Variants in KIF26B observed in about 807,000 individuals in gnomAD.
KIF26B encodes the protein kinesin family member 26B, also known as kinesin-like protein KIF26B.
KIF26B carries 63 observed loss-of-function variants against 151.2 expected under a neutral mutation model. That is an observed-to-expected ratio of 0.42 (90% confidence interval 0.34 to 0.51). The LOEUF (loss-of-function observed/expected upper bound fraction) is 0.51, where lower values mean the gene tolerates loss of function less well. Among genes scored for constraint, KIF26B ranks in the 20% least tolerant of loss-of-function variants. KIF26B has a pLI of 0.07. For synonymous variants in KIF26B, 1,357 were observed against 1,262.1 expected (o/e 1.08, Z -1.59); for missense variants, 2,813 against 2,913.6 (o/e 0.97, Z 0.79).
At chr1:245,383,864 T>C (rs1144586) in intron 3 of KIF26B, among the ~76,000 whole-genome samples, 1,793 of 152,274 alleles carry the variant, frequency 0.012, 20 homozygotes, top group Non-Finnish European at 0.017. Context: ...GCCCATCTGC[T>C]CTCCACTGAG....
At chr1:245,452,123 G>T (rs961691217) in intron 4 of KIF26B, among the ~76,000 whole-genome samples, 1 of 151,926 alleles carries the variant, frequency 6.6e-6, no homozygotes, top group Non-Finnish European at 1.5e-5. Context: ...ACCCCTGGTG[G>T]CCTCCAATCC....
At chr1:245,418,429 A>G (rs1336952670) in intron 3 of KIF26B, among the ~76,000 whole-genome samples, 6 of 152,250 alleles carry the variant, frequency 3.9e-5, no homozygotes, top group Non-Finnish European at 8.8e-5. Flanking sequence ...AAGCGGAGCA[A>G]AGTTCCCAGT....
chr1:245,480,476 G>A (rs1244069592), intron 4 of KIF26B, among the ~76,000 whole-genome samples: 1 of 151,726 alleles, frequency 6.6e-6, no homozygotes. Flanking sequence ...TTTCCAGCAG[G>A]TGTTTGAGGG....
intron 2 of KIF26B, among the ~76,000 whole-genome samples, chr1:245,234,921 C>A (rs1003638535): frequency 6.6e-6 from 1 of 152,172 alleles, no homozygotes; most frequent in Non-Finnish European, 1.5e-5. Context: ...CGGTGGCACA[C>A]AGGCTGGCTC....
chr1:245,624,283 GAAAAA>G (rs5782361), intron 9 of KIF26B, among the ~76,000 whole-genome samples: 1 of 144,386 alleles, frequency 6.9e-6, no homozygotes, highest in African/African-American at 2.5e-5. Flanking sequence ...GGGAATATTT[GAAAAA>G]AAAAAAAAGA....
Position 245,648,154 on chromosome 1 carries a change from G to T in KIF26B, c.2258+1874G>T, listed in dbSNP as rs114862750. On this transcript the variant is annotated intron_variant, in intron 10 of 14. Coordinates refer to ENST00000407071, the MANE Select transcript of KIF26B (RefSeq NM_018012.4). The stretch of plus-strand genomic sequence containing the variant: ...AGATAAAATTCCAAATTGCACCTTA[G>T]CAGGAGGTCATTGATTACATATCTT... 3.6e-3 allele frequency among the ~76,000 whole-genome samples: 550 copies of T among 152,278 alleles called. 2 individuals are homozygous for T. The highest frequency in any genetic ancestry group is 0.012 in the African/African-American group (509 of 41,540).
At chr1:245,668,499 A>C (rs6702074) in intron 10 of KIF26B, among the ~76,000 whole-genome samples, 1 of 152,148 alleles carries the variant, frequency 6.6e-6, no homozygotes, top group African/African-American at 2.4e-5. Context: ...TACTTAATGT[A>C]TGAGTTGTGG....
intron 2 of KIF26B, among the ~76,000 whole-genome samples, chr1:245,305,794 C>T (rs1019222716): frequency 2.6e-5 from 4 of 151,670 alleles, no homozygotes; most frequent in East Asian, 1.9e-4. Context: ...AAAAATTAGC[C>T]GGGTGTGGTG....
intron 5 of KIF26B, among the ~76,000 whole-genome samples, chr1:245,600,091 T>C (rs1381487845): frequency 1.4e-5 from 2 of 147,452 alleles, no homozygotes; most frequent in African/African-American, 5.1e-5. Context: ...CAGGCTGGAG[T>C]GTAATGGCGT....
At position 245,528,706 on chromosome 1, in the gene KIF26B, G is replaced by GT. The variant is rs527589588; in HGVS notation, c.1167-12057dup. ...TCTATTCCACAGGAATTGGGAATAA[G>GT]TTTTGGGTTATTTCATCTTCCAGTG... On this transcript the variant is annotated intron_variant, in intron 4 of 14. Transcript: ENST00000407071. 2.6e-3 allele frequency among the ~76,000 whole-genome samples: 400 copies of GT among 152,332 alleles called. 4 individuals are homozygous for GT. Among genetic ancestry groups the GT allele is most frequent in the African/African-American group, 8.9e-3 (368 of 41,574 alleles).
chr1:245,432,775 G>A (rs1396746234), intron 4 of KIF26B, among the ~76,000 whole-genome samples: 1 of 152,148 alleles, frequency 6.6e-6, no homozygotes, highest in East Asian at 1.9e-4. Context: ...TCTGTCCAGG[G>A]CCATTGTCTA....
At chr1:245,590,917 A>G (rs2043282203) in intron 5 of KIF26B, among the ~76,000 whole-genome samples, 2 of 146,516 alleles carry the variant, frequency 1.4e-5, no homozygotes, top group South Asian at 4.7e-4. Context: ...AAAAAAAGAA[A>G]AAAAAAAAAA....
intron 9 of KIF26B, among the ~76,000 whole-genome samples, chr1:245,613,292 T>C (rs939649122): frequency 4.6e-5 from 7 of 152,154 alleles, no homozygotes; most frequent in African/African-American, 7.2e-5. Context: ...CTGTTGTAGA[T>C]GAAGCCTAGA....
intron 10 of KIF26B, among the ~76,000 whole-genome samples, chr1:245,681,757 C>A (rs1046696157): frequency 6.6e-6 from 1 of 152,104 alleles, no homozygotes. Flanking sequence ...TCATGTTACC[C>A]AAGGGAAGGA....
At chr1:245,426,941 C>G (rs143259876) in intron 4 of KIF26B, among the ~76,000 whole-genome samples, 71 of 152,286 alleles carry the variant, frequency 4.7e-4, no homozygotes, top group Non-Finnish European at 9.6e-4. Flanking sequence ...TGAAGGCTTT[C>G]TTTAGTCCCT....
intron 3 of KIF26B, among the ~76,000 whole-genome samples, chr1:245,373,071 G>A (rs1673165418): frequency 6.6e-6 from 1 of 152,204 alleles, no homozygotes; most frequent in Admixed American, 6.5e-5. Flanking sequence ...TGAGAGATTT[G>A]AAGCTTCTTT....
chr1:245,446,988 T>C (rs575216766), intron 4 of KIF26B, among the ~76,000 whole-genome samples: 1 of 152,344 alleles, frequency 6.6e-6, no homozygotes, highest in South Asian at 2.1e-4. Context: ...TGGTCTCTTC[T>C]GTAAATATAG....
chr1:245,226,624 C>G (rs374399338), intron 2 of KIF26B, among the ~76,000 whole-genome samples: 1 of 151,988 alleles, frequency 6.6e-6, no homozygotes, highest in Non-Finnish European at 1.5e-5. Flanking sequence ...CCACCACGCC[C>G]GGCTAATTTT....
At chr1:245,329,626 A>G (rs1672060640) in intron 2 of KIF26B, among the ~76,000 whole-genome samples, 1 of 151,510 alleles carries the variant, frequency 6.6e-6, no homozygotes, top group Admixed American at 6.6e-5. Flanking sequence ...ATACACATTC[A>G]CTCACTCACC....
Sources: gnomAD v4.1 joint callset for allele counts (sites outside exome capture counted in the v4.1 genomes callset) on GRCh38, gnomAD v4.1.1 for gene constraint, MANE v1.5 for transcripts, NCBI Gene and HGNC (gene_info 2026-07-23, HGNC 2026-07-21) for gene names.